The following GRIP1 variants were observed in gnomAD, a reference collection of about 807,000 sequenced individuals.
The protein encoded by GRIP1 is glutamate receptor interacting protein 1, also known as glutamate receptor-interacting protein 1.
A neutral mutation model predicts 129.9 loss-of-function variants in GRIP1; 45 were observed. The observed-to-expected ratio is 0.35, with a 90% confidence interval of 0.27 to 0.44. The LOEUF (loss-of-function observed/expected upper bound fraction) is 0.44, where lower values mean the gene tolerates loss of function less well. Among genes scored for constraint, GRIP1 ranks in the 20% least tolerant of loss-of-function variants. GRIP1 has a pLI of 1.00. For synonymous variants in GRIP1, 530 were observed against 520.8 expected (o/e 1.02, Z -0.24); for missense variants, 1,196 against 1,396.8 (o/e 0.86, Z 2.29).
intron 1 of GRIP1, among the ~76,000 whole-genome samples, chr12:66,657,277 AC>A (rs66697612): frequency 0.28 from 42,294 of 151,502 alleles, 6,089 homozygotes; most frequent in Middle Eastern, 0.34. Flanking sequence ...CTGAAGGAGG[AC>A]CCTCCCCACC....
At chr12:66,437,894 G>C (rs2058358336) in intron 13 of GRIP1, among the ~76,000 whole-genome samples, 1 of 152,122 alleles carries the variant, frequency 6.6e-6, no homozygotes, top group Non-Finnish European at 1.5e-5. Context: ...AGTGTGATAT[G>C]GTGAAGAGAG....
intron 23 of GRIP1, 25 bp downstream of exon 23, chr12:66,371,668 AG>A: frequency 6.7e-7 from 1 of 1,497,852 alleles, no homozygotes; most frequent in South Asian, 1.1e-5. Context: ...ATTTGACCCT[AG>A]GGAAAGAAGA....
At chr12:66,433,678 A>C (rs2058216512) in intron 13 of GRIP1, among the ~76,000 whole-genome samples, 1 of 152,234 alleles carries the variant, frequency 6.6e-6, no homozygotes. Flanking sequence ...ATAAGGTTAA[A>C]ATGGAAATAT....
At chr12:66,992,460 G>T (rs557207672) in intron 1 of GRIP1, among the ~76,000 whole-genome samples, 1 of 152,296 alleles carries the variant, frequency 6.6e-6, no homozygotes, top group East Asian at 1.9e-4. Flanking sequence ...GAGCCAAATA[G>T]GTAGGTGGCT....
intron 23 of GRIP1, among the ~76,000 whole-genome samples, chr12:66,356,532 T>C (rs909680510): frequency 3.9e-5 from 6 of 152,186 alleles, no homozygotes; most frequent in African/African-American, 1.2e-4. Context: ...AGTAAGTCAC[T>C]GGAAGAAAAT....
chr12:66,648,428 T>C (rs2032539728), intron 1 of GRIP1, among the ~76,000 whole-genome samples: 1 of 152,162 alleles, frequency 6.6e-6, no homozygotes, highest in African/African-American at 2.4e-5. Context: ...AAATAAGGAA[T>C]GGATGGGTAT....
At chr12:66,856,224 A>C (rs996776298) in intron 1 of GRIP1, among the ~76,000 whole-genome samples, 3 of 152,184 alleles carry the variant, frequency 2.0e-5, no homozygotes, top group Non-Finnish European at 2.9e-5. Context: ...AATTAAGTCA[A>C]GATGGATTAA....
intron 1 of GRIP1, among the ~76,000 whole-genome samples, chr12:66,755,029 C>T (rs1195572891): frequency 1.3e-5 from 2 of 152,086 alleles, no homozygotes; most frequent in Non-Finnish European, 2.9e-5. Flanking sequence ...CTAGGGAATA[C>T]TGATGGATAT....
intron 1 of GRIP1, among the ~76,000 whole-genome samples, chr12:66,918,052 C>T (rs12319883): frequency 0.032 from 4,809 of 151,620 alleles, 246 homozygotes; most frequent in African/African-American, 0.11. Context: ...TGGATGAAGC[C>T]CACCACATTA....
chr12:66,811,172 T>A (rs745553041), intron 1 of GRIP1, among the ~76,000 whole-genome samples: 1 of 152,244 alleles, frequency 6.6e-6, no homozygotes, highest in Non-Finnish European at 1.5e-5. Flanking sequence ...CTGAGGTTAT[T>A]GAGTTTTCAA....
chr12:66,785,323 C>CATATATATATATATATAT (rs2038291950), intron 1 of GRIP1, among the ~76,000 whole-genome samples: 1 of 55,980 alleles, frequency 1.8e-5, no homozygotes, highest in African/African-American at 6.4e-5. Flanking sequence ...TACATACATA[C>CATATATATATATATATAT]ATACATACAT....
chr12:66,705,452 A>G (rs1033651355), intron 1 of GRIP1, among the ~76,000 whole-genome samples: 5 of 152,190 alleles, frequency 3.3e-5, no homozygotes. Flanking sequence ...GACAGGAAGA[A>G]TCAATATCGT....
chr12:66,866,233 T>C (rs1232081892), intron 1 of GRIP1, among the ~76,000 whole-genome samples: 4 of 151,950 alleles, frequency 2.6e-5, no homozygotes, highest in African/African-American at 9.7e-5. Flanking sequence ...CTTTGAGAGG[T>C]CAGGATGGGA....
At chr12:66,524,063 C>A (rs2061127863) in intron 5 of GRIP1, among the ~76,000 whole-genome samples, 1 of 152,262 alleles carries the variant, frequency 6.6e-6, no homozygotes, top group East Asian at 1.9e-4. Context: ...GACTTAGACT[C>A]CCACACAATA....
chr12:66,707,334 T>G (rs2035564361), intron 1 of GRIP1, among the ~76,000 whole-genome samples: 1 of 151,764 alleles, frequency 6.6e-6, no homozygotes, highest in East Asian at 1.9e-4. Context: ...TACTGCTGAT[T>G]TACACACTTA....
At chr12:66,888,218 G>A (rs1240491838) in intron 1 of GRIP1, among the ~76,000 whole-genome samples, 1 of 123,108 alleles carries the variant, frequency 8.1e-6, no homozygotes, top group African/African-American at 3.6e-5. Flanking sequence ...ATCACACCCA[G>A]CTAATTTTTT....
At chr12:66,601,029 C>T (rs2064252002) in intron 1 of GRIP1, among the ~76,000 whole-genome samples, 1 of 152,166 alleles carries the variant, frequency 6.6e-6, no homozygotes, top group African/African-American at 2.4e-5. Flanking sequence ...TTTAGAGTGA[C>T]ATCTCATGAG....
At chr12:66,955,609 G>C (rs989928377) in intron 1 of GRIP1, among the ~76,000 whole-genome samples, 1 of 149,866 alleles carries the variant, frequency 6.7e-6, no homozygotes, top group Admixed American at 6.7e-5. Context: ...CCAGGTTCAA[G>C]AGATTCCCCT....
At chr12:66,733,688 C>G (rs1261250088) in intron 1 of GRIP1, among the ~76,000 whole-genome samples, 1 of 152,178 alleles carries the variant, frequency 6.6e-6, no homozygotes, top group Non-Finnish European at 1.5e-5. Context: ...TTTAAAGCCA[C>G]TATTTTTAGG....
Sources: gnomAD v4.1 joint callset for allele counts (sites outside exome capture counted in the v4.1 genomes callset) on GRCh38, gnomAD v4.1.1 for gene constraint, MANE v1.5 for transcripts, NCBI Gene and HGNC (gene_info 2026-07-23, HGNC 2026-07-21) for gene names.